NKAIN3: variants seen among roughly 807,000 people sequenced by gnomAD.
NKAIN3 encodes the protein sodium/potassium-transporting ATPase subunit beta-1-interacting protein 3.
NKAIN3 carries 25 observed loss-of-function variants against 30.2 expected under a neutral mutation model. The observed-to-expected ratio is 0.83, with a 90% CI of 0.60 to 1.16. The LOEUF (loss-of-function observed/expected upper bound fraction) is 1.16, where lower values mean the gene tolerates loss of function less well. Ranked by LOEUF, NKAIN3 falls within the 50% of genes most tolerant of loss-of-function variation. The pLI is 0.00. For missense variants in NKAIN3, 225 were observed against 254.1 expected (o/e 0.89, Z 0.78); for synonymous variants, 91 against 89.6 (o/e 1.02, Z -0.09).
At chr8:62,401,343 C>G (rs1445972396) in intron 1 of NKAIN3, among the ~76,000 whole-genome samples, 2 of 149,792 alleles carry the variant, frequency 1.3e-5, no homozygotes, top group Non-Finnish European at 3.0e-5. Context: ...TCTGTGTCAT[C>G]ATGAATTTTG....
chr8:62,652,034 G>T (rs1812637353), intron 3 of NKAIN3, among the ~76,000 whole-genome samples: 1 of 152,052 alleles, frequency 6.6e-6, no homozygotes, highest in Admixed American at 6.6e-5. Context: ...ACACAAGAAT[G>T]GCCTAACATA....
In NKAIN3 at chr8:62,845,284, A is replaced by AC. The variant is rs1563589740; in HGVS notation, c.472-73169_472-73168insC. Among the ~76,000 whole-genome samples, 16 of 20,488 alleles carry AC rather than the reference A, an allele frequency of 7.8e-4. 1 individual carries two copies. Among genetic ancestry groups the AC allele is most frequent in the Admixed American group, 5.6e-3 (13 of 2,340 alleles). 13.4% of individuals were successfully genotyped at this position (20,488 alleles called of 152,430 possible). On this transcript the variant is annotated intron_variant, in intron 4 of 6. Coordinates refer to ENST00000623646, the MANE Select transcript of NKAIN3 (RefSeq NM_001304533.3). The stretch of plus-strand genomic sequence containing the variant: ...GATTCATTGACCTGCTGGATAGTAG[A>AC]TTATATATATATATATATATATATA...
At chr8:62,856,294 G>T in intron 4 of NKAIN3, 2 of 937,366 alleles carry the variant, frequency 2.1e-6, no homozygotes, top group South Asian at 1.3e-5. Flanking sequence ...GATTATAAAT[G>T]CCCAGAGATC....
chr8:62,556,945 T>G (rs1200245071), intron 1 of NKAIN3, among the ~76,000 whole-genome samples: 2 of 152,090 alleles, frequency 1.3e-5, no homozygotes, highest in Non-Finnish European at 2.9e-5. Context: ...TTTTAAATTT[T>G]TTTTTATTTC....
At chr8:62,768,352 A>C (rs2130631070) in intron 4 of NKAIN3, among the ~76,000 whole-genome samples, 1 of 152,306 alleles carries the variant, frequency 6.6e-6, no homozygotes, top group African/African-American at 2.4e-5. Context: ...CGCTCTGCTG[A>C]CAGGATACGC....
chr8:62,843,041 G>A (rs931847271), intron 4 of NKAIN3, among the ~76,000 whole-genome samples: 3 of 151,874 alleles, frequency 2.0e-5, no homozygotes, highest in African/African-American at 4.8e-5. Context: ...CAAAAGAAAC[G>A]ATGAACAAAG....
chr8:62,287,178 C>T (rs55748249), intron 1 of NKAIN3, among the ~76,000 whole-genome samples: 4,199 of 151,340 alleles, frequency 0.028, 95 homozygotes, highest in Middle Eastern at 0.075. Flanking sequence ...TTGGCTCATA[C>T]GAGGTTGTGA....
intron 1 of NKAIN3, among the ~76,000 whole-genome samples, chr8:62,370,960 A>G (rs912494521): frequency 1.3e-5 from 2 of 152,044 alleles, no homozygotes; most frequent in Non-Finnish European, 2.9e-5. Context: ...TTTCATTTCA[A>G]GACTGTCTGT....
intron 4 of NKAIN3, among the ~76,000 whole-genome samples, chr8:62,821,511 A>G (rs1818847201): frequency 6.6e-6 from 1 of 152,142 alleles, no homozygotes; most frequent in African/African-American, 2.4e-5. Context: ...AGGTAATTTC[A>G]TGTGTAATGA....
Position 62,445,146 on chromosome 8 carries a change from A to G in NKAIN3, c.55-134393A>G, listed in dbSNP as rs1047513613. ...TTTTTAATAGAGACGGGGTTTCACC[A>G]TGTTGGCCAGGATGGTCTCAATCTC... On this transcript the variant is annotated intron_variant, in intron 1 of 6. Transcript: ENST00000623646. 4.6e-5 allele frequency among the ~76,000 whole-genome samples: 7 copies of G among 152,070 alleles called. No individual in the cohort carries two copies. The South Asian group carries it at 1.2e-3, about 27-fold the overall frequency.
intron 3 of NKAIN3, among the ~76,000 whole-genome samples, chr8:62,697,245 C>T (rs564116743): frequency 2.0e-5 from 3 of 152,262 alleles, no homozygotes; most frequent in Non-Finnish European, 4.4e-5. Flanking sequence ...CCCACCTCCC[C>T]ACTACCTCCC....
intron 4 of NKAIN3, among the ~76,000 whole-genome samples, chr8:62,748,120 C>T (rs1213213152): frequency 6.6e-6 from 1 of 152,142 alleles, no homozygotes; most frequent in African/African-American, 2.4e-5. Context: ...GAGTTCTGTG[C>T]ATTAGGAATT....
chr8:62,937,148 A>G (rs774203428), intron 5 of NKAIN3, among the ~76,000 whole-genome samples: 1 of 152,154 alleles, frequency 6.6e-6, no homozygotes, highest in African/African-American at 2.4e-5. Context: ...TCTTGACCAC[A>G]TTGCAAAGAA....
At chr8:62,790,214 CAT>C (rs1439770915) in intron 4 of NKAIN3, among the ~76,000 whole-genome samples, 1 of 152,120 alleles carries the variant, frequency 6.6e-6, no homozygotes, top group Non-Finnish European at 1.5e-5. Flanking sequence ...ACAAAAACCA[CAT>C]GATTATCTCA....
chr8:62,789,708 T>G (rs757006915), intron 4 of NKAIN3, among the ~76,000 whole-genome samples: 1 of 151,626 alleles, frequency 6.6e-6, no homozygotes, highest in Non-Finnish European at 1.5e-5. Flanking sequence ...ACTAGAAAAT[T>G]TAGAAGAAAT....
intron 4 of NKAIN3, among the ~76,000 whole-genome samples, chr8:62,748,308 C>G (rs1390050593): frequency 6.6e-6 from 1 of 152,100 alleles, no homozygotes; most frequent in Non-Finnish European, 1.5e-5. Context: ...GCTGTTGGCC[C>G]CATTCTCCTG....
chr8:62,715,471 A>G (rs1231536125), intron 3 of NKAIN3, among the ~76,000 whole-genome samples: 1 of 152,190 alleles, frequency 6.6e-6, no homozygotes, highest in Admixed American at 6.5e-5. Context: ...ACAGCCTTTC[A>G]GTGTTGGTGC....
At chr8:62,489,701 A>C (rs1007122352) in intron 1 of NKAIN3, among the ~76,000 whole-genome samples, 2 of 152,264 alleles carry the variant, frequency 1.3e-5, no homozygotes, top group Non-Finnish European at 2.9e-5. Flanking sequence ...TCAATAACCA[A>C]GTACTTAATA....
chr8:62,528,350 T>TA (rs1554543420), intron 1 of NKAIN3, among the ~76,000 whole-genome samples: 17,874 of 137,178 alleles, frequency 0.13, 1,472 homozygotes, highest in East Asian at 0.19. Context: ...AATATATATA[T>TA]ATATGACTTT....
Sources: allele counts gnomAD v4.1 joint callset (sites outside exome capture counted in the v4.1 genomes callset), GRCh38; gene constraint gnomAD v4.1.1; transcripts MANE v1.5; gene names NCBI Gene and HGNC (gene_info 2026-07-23, HGNC 2026-07-21).